COPS3: variants seen among roughly 807,000 people sequenced by gnomAD.
The protein encoded by COPS3 is COP9 signalosome complex subunit 3.
Under a neutral mutation model 58.2 loss-of-function variants are expected in COPS3, and 10 were observed. The ratio of observed to expected loss-of-function variants is 0.17; its 90% CI spans 0.11 to 0.29. The LOEUF is 0.29. Among genes scored for constraint, COPS3 ranks in the 10% least tolerant of loss-of-function variants. The pLI, the probability that COPS3 is intolerant of heterozygous loss-of-function variation, is 1.00. For synonymous variants in COPS3, 187 were observed against 181.7 expected, an observed-to-expected ratio of 1.03 and a Z score of -0.24; for missense variants, 333 against 510.1, an observed-to-expected ratio of 0.65 and a Z score of 3.34.
At chr17:17,265,950 A>T (rs1286721312) in intron 5 of COPS3, among the ~76,000 whole-genome samples, 1 of 152,244 alleles carries the variant, frequency 6.6e-6, no homozygotes, top group Non-Finnish European at 1.5e-5. Context: ...GTGCAACTCA[A>T]GAAAGCAAGC....
At chr17:17,270,869 T>TG in intron 3 of COPS3, 27 bp downstream of exon 3, 1 of 1,608,444 alleles carries the variant, frequency 6.2e-7, no homozygotes, top group East Asian at 2.2e-5. Context: ...ATATTTTCAA[T>TG]GGAGAATAAA....
At chr17:17,252,213 A>G (rs940449253) in intron 9 of COPS3, among the ~76,000 whole-genome samples, 3 of 152,168 alleles carry the variant, frequency 2.0e-5, no homozygotes, top group African/African-American at 7.2e-5. Flanking sequence ...TTAGCCGTAC[A>G]CTTAAGTGTA....
intron 8 of COPS3, among the ~76,000 whole-genome samples, chr17:17,255,318 CA>C: frequency 7.5e-6 from 1 of 133,092 alleles, no homozygotes; most frequent in Admixed American, 7.6e-5. Flanking sequence ...AAACAAAAAA[CA>C]AAAAAAGAAT....
chr17:17,250,963 G>C (rs1223854613), intron 9 of COPS3, among the ~76,000 whole-genome samples: 1 of 152,116 alleles, frequency 6.6e-6, no homozygotes, highest in African/African-American at 2.4e-5. Flanking sequence ...AAATTAACCA[G>C]AACTGGAAAC....
Position 17,267,956 on chromosome 17 carries a change from G to C in COPS3, c.370C>G (p.Leu124Val). ...TGCATCTTGTCTATGGCTTGCTTAA[G>C]GATGCCAATTCCTCGCAGGGGCTGT... is the stretch of plus-strand genomic sequence containing the variant. ...RKQPLRGIGI[L>V]KQAIDKMQMN... Residue 124 changes from leucine to valine, a missense_variant, in exon 5 of 12, where the codon CTT (leucine) becomes GTT (valine). Physicochemically the swap from Leu to Val is conservative, Grantham distance 32 (BLOSUM62 1). Coordinates refer to ENST00000268717, the MANE Select transcript of COPS3 (RefSeq NM_003653.4). 6.2e-7 allele frequency: 1 copy of C among 1,613,978 alleles called. No individual in the cohort carries two copies. Among genetic ancestry groups the C allele is most frequent in the Non-Finnish European group, 8.5e-7 (1 of 1,179,926 alleles).
intron 4 of COPS3, among the ~76,000 whole-genome samples, chr17:17,270,212 T>C (rs1220271703): frequency 6.6e-5 from 10 of 151,574 alleles, no homozygotes; most frequent in African/African-American, 2.4e-4. Flanking sequence ...CACTATACTA[T>C]GTAACAGAAT....
At chr17:17,279,647 T>G (rs6502569) in intron 1 of COPS3, among the ~76,000 whole-genome samples, 107,327 of 152,034 alleles carry the variant, frequency 0.71, 38,113 homozygotes, top group East Asian at 0.85. Flanking sequence ...GATTAAAGGT[T>G]ATTTGTCCAA....
At chr17:17,267,439 C>T (rs930136358) in intron 5 of COPS3, among the ~76,000 whole-genome samples, 8 of 151,290 alleles carry the variant, frequency 5.3e-5, no homozygotes, top group Admixed American at 2.6e-4. Flanking sequence ...AGGAGTTCAA[C>T]GCCAGCCTGG....
chr17:17,258,206 C>G (rs184012248), intron 8 of COPS3, among the ~76,000 whole-genome samples: 5 of 152,310 alleles, frequency 3.3e-5, no homozygotes, highest in Non-Finnish European at 5.9e-5. Context: ...CACTTCGTGT[C>G]AACATACGAA....
chr17:17,266,597 A>G (rs1282530982), intron 5 of COPS3, among the ~76,000 whole-genome samples: 2 of 151,694 alleles, frequency 1.3e-5, no homozygotes, highest in Admixed American at 1.3e-4. Context: ...TCAGGAGTTC[A>G]AGACCAGCCT....
intron 4 of COPS3, among the ~76,000 whole-genome samples, chr17:17,269,081 T>C (rs1178554381): frequency 6.6e-6 from 1 of 152,032 alleles, no homozygotes; most frequent in Non-Finnish European, 1.5e-5. Context: ...TCTCAGCCCT[T>C]TGGGAGGCTG....
intron 1 of COPS3, among the ~76,000 whole-genome samples, chr17:17,277,394 T>C (rs1028994339): frequency 1.4e-4 from 22 of 152,168 alleles, no homozygotes; most frequent in African/African-American, 5.3e-4. Flanking sequence ...GATCTATTTT[T>C]CCCCTATACT....
intron 7 of COPS3, 156 bp from the exon 8 acceptor site, chr17:17,260,630 C>G: frequency 1.7e-6 from 1 of 580,276 alleles, no homozygotes; most frequent in Non-Finnish European, 3.0e-6. Flanking sequence ...ATGAAGAAAC[C>G]CCGTCTCTAC....
At chr17:17,281,078 C>G in intron 1 of COPS3, 54 bp downstream of exon 1, 2 of 1,572,862 alleles carry the variant, frequency 1.3e-6, no homozygotes. Flanking sequence ...GCCTGGGGAT[C>G]CAGGCCAGTT....
rs2048064315 is a variant in COPS3, at chr17:17,260,307, T to G, written c.930A>C (p.Leu310=). Reference sequence around the variant, plus strand: ...AAGGTGGCACTTTCCTCACCTTTGTTAGCCTCTGAATATTCTTCTTATAAA... The same window carrying G: ...AAGGTGGCACTTTCCTCACCTTTGTGAGCCTCTGAATATTCTTCTTATAAA... ...SSLYKKNIQR[L]TKTFLTLSLQ... Residue 310 remains leucine, a synonymous_variant, in exon 8 of 12, where the codon CTA becomes CTC. Transcript: ENST00000268717. The G allele has an allele frequency of 6.2e-7, 1 of 1,613,668 alleles. No homozygotes were observed. Among genetic ancestry groups the G allele is most frequent in the Admixed American group, 1.7e-5 (1 of 59,990 alleles).
At chr17:17,255,027 CGT>C in intron 8 of COPS3, 82 bp from the exon 9 acceptor site, 1 of 942,902 alleles carries the variant, frequency 1.1e-6, no homozygotes, top group Non-Finnish European at 1.7e-6. Context: ...AGCGGCCAGG[CGT>C]GGTGGCTCAT....
intron 2 of COPS3, among the ~76,000 whole-genome samples, chr17:17,271,846 A>ATC (rs1027672203): frequency 4.9e-5 from 7 of 142,662 alleles, no homozygotes; most frequent in Non-Finnish European, 9.1e-5. Context: ...ATATCTATAT[A>ATC]TATATATATA....
intron 6 of COPS3, among the ~76,000 whole-genome samples, chr17:17,264,073 C>T (rs2048169698): frequency 6.6e-6 from 1 of 152,212 alleles, no homozygotes; most frequent in Non-Finnish European, 1.5e-5. Context: ...ACACATCAAC[C>T]ACTCATTGTG....
Position 17,246,890 on chromosome 17 carries a change from C to A in COPS3, c.*208G>T. ...ACAATAATCTGAGGATAAATAAATCCACGACAGACTTTAAAGTTTGCAAAT... is the reference window on the plus strand; with the variant it reads ...ACAATAATCTGAGGATAAATAAATCAACGACAGACTTTAAAGTTTGCAAAT... On this transcript the variant is annotated 3_prime_UTR_variant, in exon 12 of 12. Coordinates refer to ENST00000268717, the MANE Select transcript of COPS3 (RefSeq NM_003653.4). 1 of 570,582 alleles carries A rather than the reference C, an allele frequency of 1.8e-6. No homozygotes were observed. Among genetic ancestry groups the A allele is most frequent in the South Asian group, 2.3e-5 (1 of 43,078 alleles). 35.3% of individuals were successfully genotyped at this position (570,582 alleles called of 1,614,324 possible).
Sources: allele counts gnomAD v4.1 joint callset (sites outside exome capture counted in the v4.1 genomes callset), GRCh38; gene constraint gnomAD v4.1.1; transcripts MANE v1.5; gene names NCBI Gene and HGNC (gene_info 2026-07-23, HGNC 2026-07-21).